BARD1: variants seen among roughly 807,000 people sequenced by gnomAD.
BARD1 encodes the protein BRCA1-associated RING domain protein 1.
In BARD1, 73 loss-of-function variants were observed where a neutral mutation model predicts 77.0. The observed-to-expected ratio is 0.95, with a 90% confidence interval of 0.79 to 1.15. The LOEUF (loss-of-function observed/expected upper bound fraction) is 1.15, where lower values mean the gene tolerates loss of function less well. Ranked by LOEUF, BARD1 falls within the 50% of genes most tolerant of loss-of-function variation. BARD1 has a pLI of 0.00. For missense variants in BARD1, 993 were observed against 938.8 expected (o/e 1.06, Z -0.75); for synonymous variants, 384 against 338.0 (o/e 1.14, Z -1.49).
intron 4 of BARD1, among the ~76,000 whole-genome samples, chr2:214,780,263 A>C (rs182318943): frequency 1.9e-4 from 29 of 152,340 alleles, no homozygotes; most frequent in Middle Eastern, 3.4e-3. Flanking sequence ...CAGGTAAACA[A>C]AATGATAAAA....
chr2:214,728,552 T>TTTTTATTCAAA lies in BARD1; in HGVS notation c.*123_*124insTTTGAATAAAA. On this transcript the variant is annotated 3_prime_UTR_variant, in exon 11 of 11. Coordinates refer to ENST00000260947, the MANE Select transcript of BARD1 (RefSeq NM_000465.4). ...TGGCATTAGACTTTTTTTTTTTTTTTGATTCAAAGACAAATATGAATGACT... is the reference window on the plus strand; with the variant it reads ...TGGCATTAGACTTTTTTTTTTTTTTTTTTTATTCAAAGATTCAAAGACAAATATGAATGACT... 1.1e-6 allele frequency: 1 copy of TTTTTATTCAAA among 911,080 alleles called. No homozygotes were observed. Among genetic ancestry groups the TTTTTATTCAAA allele is most frequent in the South Asian group, 1.8e-5 (1 of 55,784 alleles). The allele number at this position is 911,080 out of a possible 1,614,324, so 56.4% of individuals were successfully genotyped here. A position where few individuals can be genotyped will look rare whatever the true frequency, so the allele number is the denominator to read the frequency against.
At chr2:214,807,736 A>ACGAGGC (rs1696340400) in intron 1 of BARD1, among the ~76,000 whole-genome samples, 1 of 48,958 alleles carries the variant, frequency 2.0e-5, no homozygotes, top group Non-Finnish European at 4.2e-5. Flanking sequence ...TATCCGGAAA[A>ACGAGGC]TGAGAGATGA....
At chr2:214,793,681 A>G (rs1253689279) in intron 2 of BARD1, among the ~76,000 whole-genome samples, 1 of 152,204 alleles carries the variant, frequency 6.6e-6, no homozygotes, top group African/African-American at 2.4e-5. Flanking sequence ...ACTAGTACTC[A>G]GATCAGACTA....
intron 9 of BARD1, among the ~76,000 whole-genome samples, chr2:214,732,844 C>A (rs1231863178): frequency 5.3e-5 from 8 of 152,174 alleles, no homozygotes; most frequent in African/African-American, 1.7e-4. Context: ...TTACCCCACA[C>A]TGACACAATA....
chr2:214,729,058 C>T (rs371282361), intron 10 of BARD1, 50 bp from the exon 11 acceptor site: 1 of 1,535,182 alleles, frequency 6.5e-7, no homozygotes, highest in Admixed American at 1.7e-5. Context: ...ATACTGTATT[C>T]AAAAACACTG....
chr2:214,798,725 A>C (rs1695872512), intron 1 of BARD1, among the ~76,000 whole-genome samples: 1 of 150,072 alleles, frequency 6.7e-6, no homozygotes, highest in Non-Finnish European at 1.5e-5. Flanking sequence ...CCCAGAGTCT[A>C]CTTCTTCCCT....
intron 8 of BARD1, 151 bp downstream of exon 8, chr2:214,745,571 C>T (rs1271339048): frequency 3.2e-6 from 3 of 932,928 alleles, no homozygotes; most frequent in Non-Finnish European, 5.0e-6. Flanking sequence ...TAGTTTATTA[C>T]TGAAAAAAAA....
At chr2:214,780,418 T>C (rs1694928802) in intron 4 of BARD1, 142 bp downstream of exon 4, 8 of 746,308 alleles carry the variant, frequency 1.1e-5, no homozygotes, top group African/African-American at 8.7e-5. Flanking sequence ...CCTATGAATC[T>C]GGCTTCTCTG....
chr2:214,741,432 A>G (rs1574728942), intron 9 of BARD1, among the ~76,000 whole-genome samples: 1 of 152,206 alleles, frequency 6.6e-6, no homozygotes, highest in African/African-American at 2.4e-5. Flanking sequence ...AAAACATTTT[A>G]TCTTGGCCTA....
chr2:214,756,822 CAA>C (rs1693715663), intron 6 of BARD1, among the ~76,000 whole-genome samples: 1 of 151,944 alleles, frequency 6.6e-6, no homozygotes, highest in Non-Finnish European at 1.5e-5. Flanking sequence ...TTCACGGACT[CAA>C]GGGGAAAAGG....
At chr2:214,742,594 T>C (rs1692892611) in intron 9 of BARD1, among the ~76,000 whole-genome samples, 1 of 152,196 alleles carries the variant, frequency 6.6e-6, no homozygotes, top group Non-Finnish European at 1.5e-5. Flanking sequence ...TGTTATTCAC[T>C]ACTGTCAGAA....
chr2:214,809,465 G>A lies in BARD1; in HGVS notation c.105C>T (p.Ala35=), dbSNP rs1031199399. Residue 35 remains alanine, a synonymous_variant, in exon 1 of 11, where the codon GCC becomes GCT. Transcript: ENST00000260947. The part of the protein sequence containing the change: ...AMEPDGRGAW[A]HSRAALDRLE... Reference sequence around the variant, plus strand: ...GGCGGTCGAGCGCGGCGCGACTGTGGGCCCAGGCACCGCGACCATCCGGTT... The same window carrying A: ...GGCGGTCGAGCGCGGCGCGACTGTGAGCCCAGGCACCGCGACCATCCGGTT... 16 of 1,610,984 alleles carry A rather than the reference G, an allele frequency of 9.9e-6. No individual in the cohort carries two copies. Among genetic ancestry groups the A allele is most frequent in the Non-Finnish European group, 1.4e-5 (16 of 1,179,480 alleles).
chr2:214,751,242 T>G (rs755283530), intron 7 of BARD1, among the ~76,000 whole-genome samples: 1 of 140,472 alleles, frequency 7.1e-6, no homozygotes, highest in Non-Finnish European at 1.5e-5. Flanking sequence ...ACTGCAACCT[T>G]TACTTCCCGG....
Position 214,725,920 on chromosome 2 carries a change from C to T in BARD1, c.*2756G>A, listed in dbSNP as rs1692065885. ...CACTGACCCATGGAAACAATAACAG[C>T]TAATGTGGCCCCACTCTCACCTGTG... On this transcript the variant is annotated 3_prime_UTR_variant, in exon 11 of 11. Coordinates refer to ENST00000260947, the MANE Select transcript of BARD1 (RefSeq NM_000465.4). The T allele has an allele frequency of 4.4e-6, 1 of 225,938 alleles. No homozygotes were observed. Among genetic ancestry groups the T allele is most frequent in the Non-Finnish European group, 8.8e-6 (1 of 113,544 alleles). 14.0% of individuals were successfully genotyped at this position (225,938 alleles called of 1,614,324 possible). A position where few individuals can be genotyped will look rare whatever the true frequency, so the allele number is the denominator to read the frequency against.
At chr2:214,739,592 T>C (rs1692721449) in intron 9 of BARD1, among the ~76,000 whole-genome samples, 1 of 152,070 alleles carries the variant, frequency 6.6e-6, no homozygotes, top group Non-Finnish European at 1.5e-5. Context: ...ATCACTGCAA[T>C]TTTTGGAAAA....
At chr2:214,751,518 T>G (rs1020442934) in intron 7 of BARD1, among the ~76,000 whole-genome samples, 1 of 152,008 alleles carries the variant, frequency 6.6e-6, no homozygotes, top group African/African-American at 2.4e-5. Flanking sequence ...TTGATTCTAC[T>G]GTATATTTTT....
At chr2:214,802,770 A>G (rs868694090) in intron 1 of BARD1, among the ~76,000 whole-genome samples, 2 of 152,214 alleles carry the variant, frequency 1.3e-5, no homozygotes, top group Admixed American at 6.5e-5. Context: ...ATCCAAACAA[A>G]TAAGAGAAGA....
chr2:214,775,666 G>A (rs1429463667), intron 4 of BARD1, among the ~76,000 whole-genome samples: 1 of 152,116 alleles, frequency 6.6e-6, no homozygotes, highest in Non-Finnish European at 1.5e-5. Context: ...AACTCTCTGC[G>A]AAGCATAAAA....
At chr2:214,778,338 TATTA>T (rs1207076891) in intron 4 of BARD1, among the ~76,000 whole-genome samples, 1 of 151,978 alleles carries the variant, frequency 6.6e-6, no homozygotes, top group South Asian at 2.1e-4. Flanking sequence ...AAAAGGACAC[TATTA>T]ATTGGTGATT....
Sources: gnomAD v4.1 joint callset for allele counts (sites outside exome capture counted in the v4.1 genomes callset) on GRCh38, gnomAD v4.1.1 for gene constraint, MANE v1.5 for transcripts, NCBI Gene and HGNC (gene_info 2026-07-23, HGNC 2026-07-21) for gene names.